The following TTC28 variants were observed in gnomAD, a reference collection of about 807,000 sequenced individuals.
The protein encoded by TTC28 is tetratricopeptide repeat domain 28, also known as tetratricopeptide repeat protein 28.
TTC28 carries 61 observed loss-of-function variants against 198.0 expected under a neutral mutation model. The ratio of observed to expected loss-of-function variants is 0.31; its 90% CI spans 0.25 to 0.38. The LOEUF is 0.38. TTC28 is among the 10% of genes least tolerant of loss of function. The pLI is 1.00. For missense variants in TTC28, 2,678 were observed against 3,164.0 expected (o/e 0.85, Z 3.69); for synonymous variants, 1,171 against 1,297.8 (o/e 0.90, Z 2.10).
chr22:28,001,316 C>T (rs537757061), intron 15 of TTC28, 58 bp downstream of exon 15: 129 of 1,511,456 alleles, frequency 8.5e-5, no homozygotes, highest in Middle Eastern at 2.2e-4. Flanking sequence ...ACCAGATAGA[C>T]GGTGCCTCGT....
At chr22:27,997,427 G>A (rs904747765) in intron 16 of TTC28, 1 of 152,210 alleles carries the variant, frequency 6.6e-6, no homozygotes, top group African/African-American at 2.4e-5. Context: ...CCATCTGCCT[G>A]GCACCAGCAC....
At chr22:28,311,070 T>C (rs2045247730) in intron 2 of TTC28, among the ~76,000 whole-genome samples, 1 of 152,186 alleles carries the variant, frequency 6.6e-6, no homozygotes, top group Non-Finnish European at 1.5e-5. Context: ...TGAGCCACCG[T>C]GCCTGGCCTA....
In TTC28 at chr22:28,285,510, A is replaced by G. The variant is rs571877990; in HGVS notation, c.933+10688T>C. ...ACACAGTATGGTGACTATCGTTAAT[A>G]ATACTCTATTGTTTACTTAAAATTT... On this transcript the variant is annotated intron_variant, in intron 5 of 22. Coordinates refer to ENST00000397906, the MANE Select transcript of TTC28 (RefSeq NM_001145418.2). 1.1e-4 allele frequency among the ~76,000 whole-genome samples: 17 copies of G among 152,300 alleles called. No homozygotes were observed. In the South Asian group the frequency reaches 3.3e-3, roughly 30 times the overall value.
intron 2 of TTC28, among the ~76,000 whole-genome samples, chr22:28,385,115 T>C (rs1235080899): frequency 7.0e-6 from 1 of 143,490 alleles, no homozygotes; most frequent in Non-Finnish European, 1.5e-5. Flanking sequence ...CACTCCAGCC[T>C]GGGCAACAAG....
chr22:28,146,402 C>T (rs904255433), intron 6 of TTC28, among the ~76,000 whole-genome samples: 1 of 152,214 alleles, frequency 6.6e-6, no homozygotes, highest in Admixed American at 6.5e-5. Flanking sequence ...CACTGACGAA[C>T]TGACACAAAG....
chr22:28,585,697 G>A (rs2050304480), intron 2 of TTC28, among the ~76,000 whole-genome samples: 1 of 152,080 alleles, frequency 6.6e-6, no homozygotes, highest in East Asian at 1.9e-4. Flanking sequence ...GGGGCTAGTT[G>A]ATTTGTCCAA....
At chr22:28,314,266 T>C (rs536984891) in intron 2 of TTC28, among the ~76,000 whole-genome samples, 28 of 152,156 alleles carry the variant, frequency 1.8e-4, no homozygotes, top group Non-Finnish European at 3.2e-4. Context: ...AGAATCAATA[T>C]TGTGAAAATG....
intron 2 of TTC28, among the ~76,000 whole-genome samples, chr22:28,405,794 A>C (rs1160234109): frequency 6.6e-6 from 1 of 152,238 alleles, no homozygotes; most frequent in African/African-American, 2.4e-5. Flanking sequence ...ATGACAGTTT[A>C]CCATTGCCAT....
chr22:28,080,505 G>A (rs1190062497), intron 12 of TTC28, among the ~76,000 whole-genome samples: 1 of 151,970 alleles, frequency 6.6e-6, no homozygotes, highest in Non-Finnish European at 1.5e-5. Flanking sequence ...GTCTACTTAG[G>A]TCCTTTGCCC....
chr22:28,529,921 C>T (rs1369788695), intron 2 of TTC28, among the ~76,000 whole-genome samples: 1 of 152,058 alleles, frequency 6.6e-6, no homozygotes, highest in South Asian at 2.1e-4. Context: ...TCATCAAAGA[C>T]TAAAGGTAGA....
intron 5 of TTC28, among the ~76,000 whole-genome samples, chr22:28,283,790 C>T (rs892535738): frequency 1.3e-5 from 2 of 152,140 alleles, no homozygotes; most frequent in Admixed American, 6.5e-5. Context: ...CTCAAGCAAT[C>T]CTCTCACCTT....
chr22:28,291,651 T>C (rs997071009), intron 5 of TTC28, among the ~76,000 whole-genome samples: 2 of 152,178 alleles, frequency 1.3e-5, no homozygotes, highest in Non-Finnish European at 2.9e-5. Flanking sequence ...CAGTAATAAG[T>C]ATAAGAAGCC....
At chr22:28,393,122 A>G (rs2046760969) in intron 2 of TTC28, among the ~76,000 whole-genome samples, 1 of 151,886 alleles carries the variant, frequency 6.6e-6, no homozygotes, top group African/African-American at 2.4e-5. Context: ...GGCTCAAGCA[A>G]TCCTCCGACC....
At chr22:28,510,807 G>C (rs527508430) in intron 2 of TTC28, among the ~76,000 whole-genome samples, 1 of 152,094 alleles carries the variant, frequency 6.6e-6, no homozygotes, top group African/African-American at 2.4e-5. Flanking sequence ...CTTCCACAAA[G>C]TCTCAGAATA....
At chr22:28,201,751 C>CAAAAAAAAAAAAAAAAAAAAAAAAAA (rs34790960) in intron 5 of TTC28, among the ~76,000 whole-genome samples, 1 of 81,008 alleles carries the variant, frequency 1.2e-5, no homozygotes, top group African/African-American at 5.0e-5. Flanking sequence ...TTACAGAAAG[C>CAAAAAAAAAAAAAAAAAAAAAAAAAA]AAAAAAAAAA....
At chr22:28,023,422 G>A (rs751532955) in intron 13 of TTC28, among the ~76,000 whole-genome samples, 3 of 152,238 alleles carry the variant, frequency 2.0e-5, no homozygotes, top group Non-Finnish European at 2.9e-5. Flanking sequence ...ACAAAGGCCC[G>A]AGCCAGGCAG....
intron 12 of TTC28, among the ~76,000 whole-genome samples, chr22:28,069,972 G>T (rs1442514952): frequency 3.0e-5 from 4 of 134,622 alleles, no homozygotes; most frequent in Non-Finnish European, 6.4e-5. Context: ...ACACACAAAT[G>T]CCCCTTGTTC....
At chr22:28,556,659 T>C (rs866828559) in intron 2 of TTC28, among the ~76,000 whole-genome samples, 2 of 152,228 alleles carry the variant, frequency 1.3e-5, no homozygotes, top group African/African-American at 4.8e-5. Flanking sequence ...CACCTATTAT[T>C]CCACAGTTTC....
intron 2 of TTC28, among the ~76,000 whole-genome samples, chr22:28,432,527 A>C (rs1338156247): frequency 6.6e-6 from 1 of 152,146 alleles, no homozygotes; most frequent in East Asian, 1.9e-4. Context: ...TTTACTGGAA[A>C]TATTGGTTCT....
Sources: gnomAD v4.1 joint callset for allele counts (sites outside exome capture counted in the v4.1 genomes callset) on GRCh38, gnomAD v4.1.1 for gene constraint, MANE v1.5 for transcripts, NCBI Gene and HGNC (gene_info 2026-07-23, HGNC 2026-07-21) for gene names.